The following ABCB5 variants were observed in gnomAD, a reference collection of about 807,000 sequenced individuals.
ABCB5 encodes the protein ATP-binding cassette sub-family B member 5.
In ABCB5, 155 loss-of-function variants were observed where a neutral mutation model predicts 144.2. The ratio of observed to expected loss-of-function variants is 1.08; its 90% confidence interval spans 0.94 to 1.23. The LOEUF is 1.23. Ranked by LOEUF, ABCB5 falls within the 50% of genes most tolerant of loss-of-function variation. The probability of loss-of-function intolerance (pLI) is 0.00; values close to 1 mark genes in which losing one functional copy is unlikely to be tolerated. For missense variants in ABCB5, 1,830 were observed against 1,520.8 expected, an observed-to-expected ratio of 1.20 and a Z score of -3.38; for synonymous variants, 610 against 528.6, an observed-to-expected ratio of 1.15 and a Z score of -2.11.
At chr7:20,682,203 CA>C (rs1351448155) in intron 15 of ABCB5, among the ~76,000 whole-genome samples, 1 of 151,742 alleles carries the variant, frequency 6.6e-6, no homozygotes, top group African/African-American at 2.4e-5. Flanking sequence ...GACTCCATTT[CA>C]AAAAAACGAA....
chr7:20,719,439 T>C (rs182205668), intron 20 of ABCB5, among the ~76,000 whole-genome samples: 4 of 152,362 alleles, frequency 2.6e-5, no homozygotes, highest in African/African-American at 9.6e-5. Flanking sequence ...CTTAGATCTT[T>C]ACTGAGTGAA....
intron 14 of ABCB5, among the ~76,000 whole-genome samples, chr7:20,669,739 A>G (rs12532074): frequency 3.3e-4 from 44 of 132,630 alleles, no homozygotes; most frequent in Admixed American, 3.8e-4. Context: ...AAAAAAAAAA[A>G]AAAAGAAAAT....
chr7:20,644,370 C>T (rs73278604), intron 7 of ABCB5, among the ~76,000 whole-genome samples: 28 of 152,240 alleles, frequency 1.8e-4, no homozygotes, highest in Non-Finnish European at 2.9e-4. Context: ...AGTGAGCCAC[C>T]GCACCCAGCC....
chr7:20,643,657 T>C (rs771895096), intron 7 of ABCB5, 25 bp downstream of exon 7: 5 of 1,611,798 alleles, frequency 3.1e-6, no homozygotes, highest in South Asian at 1.1e-5. Flanking sequence ...TAATGCAATA[T>C]TGAATGGAAG....
chr7:20,691,749 A>C (rs1786239255), intron 16 of ABCB5, among the ~76,000 whole-genome samples: 1 of 152,104 alleles, frequency 6.6e-6, no homozygotes, highest in South Asian at 2.1e-4. Context: ...CTAACTAACA[A>C]ATCCTAATAG....
At chr7:20,692,944 T>C (rs1021420170) in intron 16 of ABCB5, among the ~76,000 whole-genome samples, 2 of 152,182 alleles carry the variant, frequency 1.3e-5, no homozygotes, top group African/African-American at 4.8e-5. Context: ...AACACCCTTC[T>C]ACTAAATCTT....
chr7:20,685,911 TTA>T, intron 16 of ABCB5, 75 bp downstream of exon 16: 1 of 1,381,934 alleles, frequency 7.2e-7, no homozygotes, highest in South Asian at 1.7e-5. Context: ...AATTTAAAAT[TTA>T]TTTATAGTAA....
At chr7:20,669,117 C>G (rs1285314434) in intron 14 of ABCB5, among the ~76,000 whole-genome samples, 2 of 150,992 alleles carry the variant, frequency 1.3e-5, no homozygotes, top group African/African-American at 2.4e-5. Context: ...GGGTCAGCCC[C>G]CCACCCGGCC....
intron 14 of ABCB5, among the ~76,000 whole-genome samples, chr7:20,680,051 C>G (rs190145175): frequency 6.6e-6 from 1 of 152,266 alleles, no homozygotes. Context: ...GTGGTATAGT[C>G]ACGCAATAGA....
intron 14 of ABCB5, chr7:20,666,740 T>A: frequency 6.3e-7 from 1 of 1,598,394 alleles, no homozygotes; most frequent in Non-Finnish European, 8.5e-7. Flanking sequence ...GGAAATTCTT[T>A]CAATATTGTA....
chr7:20,706,081 T>C (rs1159230677), intron 20 of ABCB5, among the ~76,000 whole-genome samples: 2 of 152,192 alleles, frequency 1.3e-5, no homozygotes, highest in Non-Finnish European at 2.9e-5. Context: ...AGGAGTTCAA[T>C]TTTATTGGCA....
At chr7:20,741,224 G>C (rs1782551974) in intron 24 of ABCB5, among the ~76,000 whole-genome samples, 1 of 151,806 alleles carries the variant, frequency 6.6e-6, no homozygotes, top group Non-Finnish European at 1.5e-5. Context: ...TACTTTTGGA[G>C]TTTTTCATAT....
intron 1 of ABCB5, among the ~76,000 whole-genome samples, chr7:20,617,875 AC>A (rs1170920087): frequency 6.6e-6 from 1 of 152,212 alleles, no homozygotes; most frequent in Non-Finnish European, 1.5e-5. Flanking sequence ...ACAACAAAGA[AC>A]ATTAGATAGT....
chr7:20,679,915 G>A (rs1306745838), intron 14 of ABCB5, among the ~76,000 whole-genome samples: 1 of 152,074 alleles, frequency 6.6e-6, no homozygotes, highest in Non-Finnish European at 1.5e-5. Context: ...TCTCCTAGGT[G>A]TAACACTAGA....
chr7:20,714,623 C>G (rs7781367), intron 20 of ABCB5, among the ~76,000 whole-genome samples: 1 of 151,960 alleles, frequency 6.6e-6, no homozygotes, highest in Non-Finnish European at 1.5e-5. Context: ...TGTTCTCGGT[C>G]GCACTGACTG....
At chr7:20,616,592 T>C (rs1562523105) in intron 1 of ABCB5, among the ~76,000 whole-genome samples, 1 of 152,238 alleles carries the variant, frequency 6.6e-6, no homozygotes, top group Non-Finnish European at 1.5e-5. Context: ...CTTGCCATGA[T>C]AGCATCCACA....
chr7:20,651,398 G>C, intron 12 of ABCB5, 22 bp from the exon 13 acceptor site: 1 of 1,613,308 alleles, frequency 6.2e-7, no homozygotes, highest in Non-Finnish European at 8.5e-7. Flanking sequence ...ATCACAACAT[G>C]GTTCATTCTT....
At chr7:20,748,645 C>A (rs1782808857) in intron 26 of ABCB5, among the ~76,000 whole-genome samples, 1 of 68,218 alleles carries the variant, frequency 1.5e-5, no homozygotes, top group African/African-American at 6.2e-5. Flanking sequence ...AGTGAGACTC[C>A]ATCTCAAAAA....
At chr7:20,728,274 T>C (rs1782099835) in intron 22 of ABCB5, 41 bp from the exon 23 acceptor site, 1 of 1,602,854 alleles carries the variant, frequency 6.2e-7, no homozygotes, top group Non-Finnish European at 8.5e-7. Context: ...GACCTTGCTA[T>C]AATTCATGCC....
Sources: allele counts gnomAD v4.1 joint callset (sites outside exome capture counted in the v4.1 genomes callset), GRCh38; gene constraint gnomAD v4.1.1; transcripts MANE v1.5; gene names NCBI Gene and HGNC (gene_info 2026-07-23, HGNC 2026-07-21).